The following ALPK2 variants were observed in gnomAD, a reference collection of about 807,000 sequenced individuals.
ALPK2 encodes the protein alpha-protein kinase 2.
ALPK2 carries 127 observed loss-of-function variants against 163.1 expected under a neutral mutation model. The observed-to-expected ratio is 0.78, with a 90% CI of 0.67 to 0.90. The LOEUF (loss-of-function observed/expected upper bound fraction) is 0.90. ALPK2 is among the 40% of genes least tolerant of loss of function. ALPK2 has a pLI of 0.00. For synonymous variants in ALPK2, 953 were observed against 959.1 expected, an observed-to-expected ratio of 0.99 and a Z score of 0.12; for missense variants, 2,360 against 2,589.6, an observed-to-expected ratio of 0.91 and a Z score of 1.92.
intron 6 of ALPK2, among the ~76,000 whole-genome samples, chr18:58,524,986 G>T (rs1433018480): frequency 1.4e-5 from 2 of 146,434 alleles, no homozygotes; most frequent in African/African-American, 2.5e-5. Context: ...TTCAGACGTT[G>T]TTCTGGTTTT....
rs1173643216 is a variant in ALPK2, at chr18:58,536,265, C to A, written c.3922G>T (p.Ala1308Ser). Residue 1308 changes from alanine to serine, a missense_variant, in exon 5 of 13, where the codon GCT (alanine) becomes TCT (serine). Ala to Ser is a moderately conservative substitution (Grantham distance 99). Coordinates refer to ENST00000361673, the MANE Select transcript of ALPK2 (RefSeq NM_052947.4). Reference protein sequence around the residue: ...HSPEDAESALADSRESHKGEE... With the variant: ...HSPEDAESALSDSRESHKGEE... ...CCTTTATGGCTTTCTCTGCTATCAG[C>A]AAGGGCTGACTCAGCATCCTCTGGA... The A allele has an allele frequency of 6.2e-7, 1 of 1,614,194 alleles. No individual in the cohort carries two copies. The highest frequency in any genetic ancestry group is 8.5e-7 in the Non-Finnish European group (1 of 1,180,024).
chr18:58,518,607 C>T (rs1238696652), intron 8 of ALPK2, among the ~76,000 whole-genome samples: 2 of 152,144 alleles, frequency 1.3e-5, no homozygotes, highest in Admixed American at 6.5e-5. Context: ...AAAATCAGGA[C>T]ATAAATTTAT....
intron 11 of ALPK2, among the ~76,000 whole-genome samples, chr18:58,499,596 G>A (rs1421659406): frequency 2.6e-5 from 4 of 152,162 alleles, no homozygotes; most frequent in East Asian, 1.9e-4. Context: ...TTGCTCCAAC[G>A]CAGTGGACCT....
intron 1 of ALPK2, among the ~76,000 whole-genome samples, chr18:58,614,365 T>C (rs1252987821): frequency 1.3e-5 from 2 of 152,214 alleles, no homozygotes; most frequent in Non-Finnish European, 2.9e-5. Context: ...ATGACTTACA[T>C]TTCCAATTAT....
At chr18:58,483,473 A>G (rs1463491825) in intron 12 of ALPK2, among the ~76,000 whole-genome samples, 2 of 152,300 alleles carry the variant, frequency 1.3e-5, no homozygotes, top group African/African-American at 2.4e-5. Flanking sequence ...TTCTGCCTGC[A>G]GTATTCCCCC....
chr18:58,578,675 G>A (rs1311391972), intron 4 of ALPK2, 139 bp downstream of exon 4: 1 of 835,040 alleles, frequency 1.2e-6, no homozygotes, highest in Non-Finnish European at 1.8e-6. Flanking sequence ...ATGGTGTTGG[G>A]AAACTTATTT....
chr18:58,623,202 A>G (rs1376196116), intron 1 of ALPK2, among the ~76,000 whole-genome samples: 1 of 151,884 alleles, frequency 6.6e-6, no homozygotes, highest in Non-Finnish European at 1.5e-5. Context: ...TTAGGGGAAC[A>G]CTTTTCATAT....
chr18:58,481,916 C>T lies in ALPK2; in HGVS notation c.6420G>A (p.Gln2140=). Residue 2140 remains glutamine, a synonymous_variant, in exon 13 of 13, where the codon CAG becomes CAA. Transcript: ENST00000361673. The stretch of plus-strand genomic sequence containing the variant: ...TGCTTTTCCCAATGCTCGGCTGCTT[C>T]TGTTTCTGGTTGTTGTTTTGAAGGG... ...LKSLQNNNQK[Q]KQPSIGKSKV... 1 of 1,614,198 alleles carries T rather than the reference C, an allele frequency of 6.2e-7. No homozygotes were observed. Among genetic ancestry groups the T allele is most frequent in the Non-Finnish European group, 8.5e-7 (1 of 1,180,048 alleles).
chr18:58,527,278 A>G (rs2051589475), intron 6 of ALPK2, among the ~76,000 whole-genome samples: 1 of 152,260 alleles, frequency 6.6e-6, no homozygotes, highest in Admixed American at 6.5e-5. Flanking sequence ...ATTAGCAAAC[A>G]TTTGAAAACC....
chr18:58,502,790 A>T (rs2051439393), intron 11 of ALPK2, among the ~76,000 whole-genome samples: 1 of 152,116 alleles, frequency 6.6e-6, no homozygotes, highest in Non-Finnish European at 1.5e-5. Context: ...ACTTTCTCTG[A>T]TCATGTTTTT....
At position 58,537,536 on chromosome 18, in the gene ALPK2, G is replaced by A. The variant is rs3809974; in HGVS notation, c.2651C>T (p.Ser884Leu). The A allele has an allele frequency of 0.025, 40,491 of 1,613,920 alleles. 852 individuals carry two copies. Among genetic ancestry groups the A allele is most frequent in the African/African-American group, 0.11 (7,956 of 75,014 alleles). The change falls in exon 5 of 13, where the codon TCA becomes TTA. Residue 884 changes from serine to leucine, a missense_variant. Physicochemically the swap from Ser to Leu is moderately radical, Grantham distance 145. Coordinates refer to ENST00000361673, the MANE Select transcript of ALPK2 (RefSeq NM_052947.4). ...ACTGGTAAAAAGAGGGGACATGACT[G>A]AGTTGCCGTCCTTGCTGCTTTTGCA... ...STCKSSKDGN[S>L]VMSPLFTSTF...
rs533466854 is a variant in ALPK2 at position 58,531,825 on chromosome 18, C to T, written c.5354-2587G>A. Among the ~76,000 whole-genome samples the T allele has an allele frequency of 3.4e-5, 5 of 147,764 alleles. No homozygotes were observed. The East Asian group carries it at 1.0e-3, about 31-fold the overall frequency. ...TGGTGGTGCACACCTATAGTCCCAG[C>T]TACTCGGGAGGCTGAGGCTGGAGGA... is the stretch of plus-strand genomic sequence containing the variant. On this transcript the variant is annotated intron_variant, in intron 5 of 12. Coordinates refer to ENST00000361673, the MANE Select transcript of ALPK2 (RefSeq NM_052947.4).
intron 12 of ALPK2, among the ~76,000 whole-genome samples, chr18:58,487,443 C>A (rs1015965128): frequency 3.9e-5 from 6 of 152,144 alleles, no homozygotes; most frequent in East Asian, 1.9e-4. Context: ...GTCTTCCAGC[C>A]CCCAGAACTG....
intron 10 of ALPK2, among the ~76,000 whole-genome samples, chr18:58,513,128 T>C (rs2051502730): frequency 6.7e-6 from 1 of 149,288 alleles, no homozygotes; most frequent in Admixed American, 6.7e-5. Context: ...TGTGTGTTTG[T>C]ATGTAATCTG....
chr18:58,609,969 C>T (rs2052119185), intron 2 of ALPK2, among the ~76,000 whole-genome samples: 1 of 152,150 alleles, frequency 6.6e-6, no homozygotes, highest in Admixed American at 6.5e-5. Flanking sequence ...TTCTACACTG[C>T]AACTCCAGGC....
In ALPK2 at chr18:58,481,743, A is replaced by C; in HGVS notation, c.*80T>G. The C allele has an allele frequency of 8.4e-7, 1 of 1,184,952 alleles. No individual in the cohort carries two copies. Among genetic ancestry groups the C allele is most frequent in the Non-Finnish European group, 1.2e-6 (1 of 802,982 alleles). 73.4% of individuals were successfully genotyped at this position (1,184,952 alleles called of 1,614,324 possible). ...GCCACGCACTCTCTGCAGGCTGTAT[A>C]TTCTCTCCTGTGTGGCCTCAGATTT... On this transcript the variant is annotated 3_prime_UTR_variant, in exon 13 of 13. Transcript: ENST00000361673.
chr18:58,526,949 GT>G (rs1384632344), intron 6 of ALPK2, among the ~76,000 whole-genome samples: 2 of 152,160 alleles, frequency 1.3e-5, no homozygotes, highest in African/African-American at 4.8e-5. Flanking sequence ...TAACTTTTAG[GT>G]TTCTGTGCAG....
At chr18:58,487,208 A>AGGG (rs2051343867) in intron 12 of ALPK2, among the ~76,000 whole-genome samples, 1 of 151,970 alleles carries the variant, frequency 6.6e-6, no homozygotes, top group Non-Finnish European at 1.5e-5. Flanking sequence ...GGAGCAGGGG[A>AGGG]GGCCCTCAAT....
intron 11 of ALPK2, among the ~76,000 whole-genome samples, chr18:58,501,464 G>C (rs1256374134): frequency 1.3e-5 from 2 of 152,196 alleles, no homozygotes; most frequent in African/African-American, 4.8e-5. Context: ...GGCTTCATCT[G>C]CAAGGCGGTA....
Sources: allele counts gnomAD v4.1 joint callset (sites outside exome capture counted in the v4.1 genomes callset), GRCh38; gene constraint gnomAD v4.1.1; transcripts MANE v1.5; gene names NCBI Gene and HGNC (gene_info 2026-07-23, HGNC 2026-07-21).